The following SHLD1 variants were observed in gnomAD, a reference collection of about 807,000 sequenced individuals.
SHLD1 encodes RINN1-REV7-interacting novel NHEJ regulator 3.
A neutral mutation model predicts 5.5 loss-of-function variants in SHLD1; 3 were observed. The observed-to-expected ratio is 0.54, with a 90% CI of 0.25 to 1.40. SHLD1 has a LOEUF of 1.40. SHLD1 is among the 40% of genes most tolerant of loss of function. The pLI is 0.15. For synonymous variants in SHLD1, 92 were observed against 94.3 expected (o/e 0.98, Z 0.14); for missense variants, 210 against 244.4 (o/e 0.86, Z 0.94).
chr20:5,752,354 C>T (rs1294468911), intron 1 of SHLD1, among the ~76,000 whole-genome samples: 2 of 150,462 alleles, frequency 1.3e-5, no homozygotes, highest in Non-Finnish European at 2.9e-5. Context: ...TGAGATCGCA[C>T]TACTGCACTC....
intron 2 of SHLD1, among the ~76,000 whole-genome samples, chr20:5,859,959 A>G (rs1037334120): frequency 6.6e-6 from 1 of 152,194 alleles, no homozygotes; most frequent in Non-Finnish European, 1.5e-5. Flanking sequence ...CACATTGACA[A>G]TTTACTTACC....
intron 2 of SHLD1, among the ~76,000 whole-genome samples, chr20:5,799,119 C>T (rs529087757): frequency 6.6e-6 from 1 of 152,178 alleles, no homozygotes; most frequent in African/African-American, 2.4e-5. Flanking sequence ...GGGAGGATCA[C>T]CTGAGCCTGG....
intron 2 of SHLD1, among the ~76,000 whole-genome samples, chr20:5,849,686 G>C (rs988946599): frequency 2.0e-5 from 3 of 152,172 alleles, no homozygotes; most frequent in Non-Finnish European, 2.9e-5. Flanking sequence ...GGGGCCGGGC[G>C]CGGTGGCTCA....
chr20:5,820,737 A>C (rs1037362795), intron 2 of SHLD1, among the ~76,000 whole-genome samples: 1 of 152,252 alleles, frequency 6.6e-6, no homozygotes. Flanking sequence ...CTCACAGGGA[A>C]AAGTTTTATT....
intron 2 of SHLD1, among the ~76,000 whole-genome samples, chr20:5,821,006 C>T (rs910327009): frequency 6.6e-6 from 1 of 152,204 alleles, no homozygotes; most frequent in East Asian, 1.9e-4. Context: ...GCTTCCCAGT[C>T]CTTCTTTGAT....
chr20:5,835,692 C>G (rs1471071763), intron 2 of SHLD1, among the ~76,000 whole-genome samples: 1 of 152,176 alleles, frequency 6.6e-6, no homozygotes, highest in Non-Finnish European at 1.5e-5. Flanking sequence ...CTGAGTCACT[C>G]TCTGAAATTA....
At chr20:5,754,716 T>G (rs1983964321) in intron 1 of SHLD1, among the ~76,000 whole-genome samples, 1 of 152,172 alleles carries the variant, frequency 6.6e-6, no homozygotes, top group East Asian at 1.9e-4. Context: ...TCAAACTGAT[T>G]GGCAATTGGT....
intron 2 of SHLD1, among the ~76,000 whole-genome samples, chr20:5,825,680 G>A (rs560591988): frequency 2.4e-4 from 37 of 152,324 alleles, no homozygotes; most frequent in African/African-American, 8.9e-4. Flanking sequence ...GATCAAGGCT[G>A]TAGTGAGCTA....
intron 2 of SHLD1, among the ~76,000 whole-genome samples, chr20:5,797,303 G>A (rs1448648840): frequency 6.6e-6 from 1 of 152,154 alleles, no homozygotes; most frequent in African/African-American, 2.4e-5. Context: ...GCTCATGCCT[G>A]TAATCCCAAC....
chr20:5,768,419 C>T (rs977562858), intron 1 of SHLD1, among the ~76,000 whole-genome samples: 2 of 152,246 alleles, frequency 1.3e-5, no homozygotes, highest in Non-Finnish European at 2.9e-5. Flanking sequence ...CCTCCTGCCC[C>T]TTCTGGGCTC....
intron 1 of SHLD1, among the ~76,000 whole-genome samples, chr20:5,760,783 G>A (rs1984417061): frequency 6.6e-6 from 1 of 152,080 alleles, no homozygotes; most frequent in Non-Finnish European, 1.5e-5. Context: ...GAAGAGTGGA[G>A]AAAACATGAA....
At chr20:5,781,519 C>T (rs1230296743) in intron 2 of SHLD1, among the ~76,000 whole-genome samples, 3 of 152,172 alleles carry the variant, frequency 2.0e-5, no homozygotes. Context: ...GCTCTGTTGT[C>T]CAGGCTGGAG....
chr20:5,768,704 T>TA (rs1469219129), intron 1 of SHLD1, among the ~76,000 whole-genome samples: 1 of 152,226 alleles, frequency 6.6e-6, no homozygotes, highest in Admixed American at 6.5e-5. Context: ...TTCTTACACA[T>TA]ACATCTTACA....
chr20:5,776,552 CA>C (rs1985437180), intron 2 of SHLD1, among the ~76,000 whole-genome samples: 1 of 152,042 alleles, frequency 6.6e-6, no homozygotes, highest in Admixed American at 6.6e-5. Flanking sequence ...CGCCTGAGGT[CA>C]GGGGTTCTAG....
chr20:5,791,951 T>C (rs529851192), intron 2 of SHLD1, among the ~76,000 whole-genome samples: 35 of 152,336 alleles, frequency 2.3e-4, no homozygotes, highest in African/African-American at 8.2e-4. Context: ...TTTCTGATGA[T>C]TGGTAACGTT....
intron 2 of SHLD1, among the ~76,000 whole-genome samples, chr20:5,818,036 T>G (rs1330801992): frequency 6.6e-6 from 1 of 152,164 alleles, no homozygotes; most frequent in Non-Finnish European, 1.5e-5. Context: ...AGTTGTTTTT[T>G]GTCCAGTTTT....
At chr20:5,856,389 G>A (rs886429428) in intron 2 of SHLD1, among the ~76,000 whole-genome samples, 3 of 152,236 alleles carry the variant, frequency 2.0e-5, no homozygotes, top group Admixed American at 6.5e-5. Flanking sequence ...GGCTGGAGGT[G>A]GGACTGAATC....
chr20:5,862,829 T>C (rs925462577), intron 2 of SHLD1, among the ~76,000 whole-genome samples, 195 bp from the exon 3 acceptor site: 3 of 152,200 alleles, frequency 2.0e-5, no homozygotes, highest in African/African-American at 7.2e-5. Context: ...AAGTAATATG[T>C]TCTCGTTGTG....
intron 2 of SHLD1, among the ~76,000 whole-genome samples, chr20:5,825,657 C>T (rs6038296): frequency 0.019 from 2,920 of 152,234 alleles, 106 homozygotes; most frequent in African/African-American, 0.067. Context: ...GGAGGCTGGG[C>T]TTAAGCCCAG....
Sources: gnomAD v4.1 joint callset for allele counts (sites outside exome capture counted in the v4.1 genomes callset) on GRCh38, gnomAD v4.1.1 for gene constraint, MANE v1.5 for transcripts, NCBI Gene and HGNC (gene_info 2026-07-23, HGNC 2026-07-21) for gene names.